Variants in SLC2A11 observed in about 807,000 individuals in gnomAD.
SLC2A11 encodes the protein solute carrier family 2, facilitated glucose transporter member 11.
SLC2A11 carries 43 observed loss-of-function variants against 52.1 expected under a neutral mutation model. That is an observed-to-expected ratio of 0.82 (90% confidence interval 0.65 to 1.06). SLC2A11 has a LOEUF of 1.06. Among genes scored for constraint, SLC2A11 ranks in the 50% least tolerant of loss-of-function variants. The pLI, the probability that SLC2A11 is intolerant of heterozygous loss-of-function variation, is 0.00. For missense variants in SLC2A11, 582 were observed against 654.2 expected, an observed-to-expected ratio of 0.89 and a Z score of 1.20; for synonymous variants, 261 against 277.6, an observed-to-expected ratio of 0.94 and a Z score of 0.59.
Position 23,884,607 on chromosome 22 carries a change from G to A in SLC2A11, c.1300-42G>A. On this transcript the variant is annotated intron_variant, in intron 11 of 11. Coordinates refer to ENST00000316185, the MANE Select transcript of SLC2A11 (RefSeq NM_001024939.4). The surrounding 1 kb of genome is among the most constrained non-coding windows in gnomAD (Gnocchi z 4.3). ...GTCATGGGCCTTCTGTTTAGGGGTT[G>A]ATGGAGACACACCAGGTCTTGGGGT... 6.3e-7 allele frequency: 1 copy of A among 1,589,010 alleles called. No homozygotes were observed. The highest frequency in any genetic ancestry group is 8.6e-7 in the Non-Finnish European group (1 of 1,167,100).
chr22:23,878,683 G>A (rs773947215), intron 6 of SLC2A11, among the ~76,000 whole-genome samples: 28 of 152,138 alleles, frequency 1.8e-4, no homozygotes, highest in Non-Finnish European at 4.0e-4. Flanking sequence ...GTGAAGACCG[G>A]GGCCCATTAG....
chr22:23,859,245 C>CT (rs916640782), intron 1 of SLC2A11, among the ~76,000 whole-genome samples: 9 of 152,332 alleles, frequency 5.9e-5, no homozygotes, highest in African/African-American at 2.2e-4. Context: ...TGGCTTCTTC[C>CT]TAAGGCTTCC....
chr22:23,877,130 T>C lies in SLC2A11; in HGVS notation c.504T>C (p.Phe168=), dbSNP rs200093458. Residue 168 remains phenylalanine, a synonymous_variant, in exon 5 of 12, where the codon TTT becomes TTC. Coordinates refer to ENST00000316185, the MANE Select transcript of SLC2A11 (RefSeq NM_001024939.4). ...RGAVAMSSAI[F]TALGIVMGQV... ...CTGTGGCCATGAGCTCAGCCATCTT[T>C]ACGGCTCTGGGGATCGTGATGGGAC... The C allele has an allele frequency of 5.3e-5, 86 of 1,613,780 alleles. No individual in the cohort carries two copies. The highest frequency in any genetic ancestry group is 3.3e-5 in the South Asian group (3 of 91,060).
chr22:23,882,049 T>C (rs1168161157), intron 6 of SLC2A11: 1 of 57,672 alleles, frequency 1.7e-5, no homozygotes, highest in Non-Finnish European at 3.0e-5. Context: ...GACAGAGAGA[T>C]TGAGAGGCAG....
chr22:23,876,347 C>T (rs1205845444), intron 4 of SLC2A11, among the ~76,000 whole-genome samples: 1 of 152,128 alleles, frequency 6.6e-6, no homozygotes, highest in African/African-American at 2.4e-5. Flanking sequence ...GGGGCACCTC[C>T]GAGACTCCTT....
At chr22:23,878,779 C>T (rs1203218587) in intron 6 of SLC2A11, among the ~76,000 whole-genome samples, 1 of 152,178 alleles carries the variant, frequency 6.6e-6, no homozygotes, top group African/African-American at 2.4e-5. Context: ...CCAGGATCCC[C>T]CAAAGTCTCA....
chr22:23,857,697 A>G (rs1421568569), upstream of SLC2A11, among the ~76,000 whole-genome samples: 3 of 151,048 alleles, frequency 2.0e-5, no homozygotes, highest in Admixed American at 6.6e-5. Flanking sequence ...GCGACACTCT[A>G]GCGGCTCTGC....
At chr22:23,866,659 G>C (rs571215240) in intron 2 of SLC2A11, 3 of 152,816 alleles carry the variant, frequency 2.0e-5, no homozygotes, top group East Asian at 1.9e-4. Flanking sequence ...GCTCATGTCT[G>C]TAATCCCGGT....
At chr22:23,883,248 C>T in intron 8 of SLC2A11, 1 of 363,682 alleles carries the variant, frequency 2.7e-6, no homozygotes, top group Non-Finnish European at 5.3e-6. Flanking sequence ...GGCAATAGTG[C>T]TGAGGTGGGA....
At chr22:23,871,028 C>T (rs1209909582) in intron 3 of SLC2A11, 1 of 152,062 alleles carries the variant, frequency 6.6e-6, no homozygotes, top group African/African-American at 2.4e-5. Flanking sequence ...AAAAGATTCA[C>T]CCACTTAGTG....
chr22:23,870,178 C>T (rs1483016746), intron 3 of SLC2A11: 1 of 615,082 alleles, frequency 1.6e-6, no homozygotes, highest in African/African-American at 1.9e-5. Context: ...AAAAGTGGGG[C>T]TCTTCCCACG....
upstream of SLC2A11, chr22:23,857,509 C>CGTCCTTACGGCCTCGGACGCAGGTGAG: frequency 6.2e-7 from 1 of 1,613,802 alleles, no homozygotes; most frequent in Non-Finnish European, 8.5e-7. Flanking sequence ...GAACTGGAGC[C>CGTCCTTACGGCCTCGGACGCAGGTGAG]GTCCTTACGG....
chr22:23,857,845 C>G, upstream of SLC2A11: 1 of 1,507,810 alleles, frequency 6.6e-7, no homozygotes, highest in Non-Finnish European at 8.8e-7. Flanking sequence ...GTTTGCTCCT[C>G]TCAAACGCTC....
Position 23,885,913 on chromosome 22 carries a change from T to C in SLC2A11, c.*1064T>C, listed in dbSNP as rs1367535512. 4 of 152,208 alleles carry C rather than the reference T, an allele frequency of 2.6e-5. No individual in the cohort carries two copies. Among genetic ancestry groups the C allele is most frequent in the Non-Finnish European group, 5.9e-5 (4 of 68,048 alleles). 9.4% of individuals were successfully genotyped at this position (152,208 alleles called of 1,614,324 possible). On this transcript the variant is annotated 3_prime_UTR_variant, in exon 12 of 12. Transcript: ENST00000316185. ...GAGTTCTAAGTATAGTTTTGGTGAGTGTATACACTTGGGAAACACCACCGT... is the reference window on the plus strand; with the variant it reads ...GAGTTCTAAGTATAGTTTTGGTGAGCGTATACACTTGGGAAACACCACCGT...
chr22:23,877,725 C>T lies in SLC2A11; in HGVS notation c.550C>T (p.Leu184Phe). ...GCCTCTCCTCTGCCTCCTTAGGGAG[C>T]TCCTAGGTGGCCCTCAGGCCTGGCC... ...VMGQVVGLRE[L>F]LGGPQAWPLL... Residue 184 changes from leucine to phenylalanine, a missense_variant, in exon 6 of 12, where the codon CTC becomes TTC. Transcript: ENST00000316185. 6.3e-7 allele frequency: 1 copy of T among 1,587,604 alleles called. No individual in the cohort carries two copies. The highest frequency in any genetic ancestry group is 8.6e-7 in the Non-Finnish European group (1 of 1,168,854).
chr22:23,867,596 A>G (rs1319315464), intron 2 of SLC2A11: 4 of 449,838 alleles, frequency 8.9e-6, no homozygotes, highest in African/African-American at 8.1e-5. Flanking sequence ...GGGTAGGGCC[A>G]CTAGATTGCC....
chr22:23,871,721 G>A (rs1319057345), intron 3 of SLC2A11: 2 of 151,608 alleles, frequency 1.3e-5, no homozygotes, highest in African/African-American at 4.9e-5. Context: ...CAGCCTGGGT[G>A]ACAGAGCAAG....
intron 1 of SLC2A11, among the ~76,000 whole-genome samples, chr22:23,861,224 C>T (rs888473562): frequency 2.0e-5 from 3 of 149,344 alleles, no homozygotes; most frequent in Admixed American, 6.7e-5. Context: ...GTGATCCACC[C>T]GCCTCGGCCT....
Position 23,882,564 on chromosome 22 carries a change from T to A in SLC2A11, c.800T>A (p.Leu267Gln). 6.2e-7 allele frequency: 1 copy of A among 1,612,608 alleles called. No homozygotes were observed. Among genetic ancestry groups the A allele is most frequent in the East Asian group, 2.2e-5 (1 of 44,834 alleles). ...TGCCGTGCCCGGCGCCCATGGGAGC[T>A]GTTCCAGCATCGGGCCCTGAGGAGA... is the stretch of plus-strand genomic sequence containing the variant. ...QGCRARRPWELFQHRALRRQV... is the reference protein window; with the variant it reads ...QGCRARRPWEQFQHRALRRQV... Residue 267 changes from leucine to glutamine, a missense_variant, in exon 7 of 12, where the codon CTG becomes CAG. Physicochemically the swap from Leu to Gln is moderately radical, Grantham distance 113. Coordinates refer to ENST00000316185, the MANE Select transcript of SLC2A11 (RefSeq NM_001024939.4).
Sources: allele counts gnomAD v4.1 joint callset (sites outside exome capture counted in the v4.1 genomes callset), GRCh38; gene constraint gnomAD v4.1.1; non-coding constraint Gnocchi (gnomAD v3.1); transcripts MANE v1.5; gene names NCBI Gene and HGNC (gene_info 2026-07-23, HGNC 2026-07-21).